Variants in MCHR2 observed in about 807,000 individuals in gnomAD.
The protein encoded by MCHR2 is melanin concentrating hormone receptor 2.
In MCHR2, 15 loss-of-function variants were observed where a neutral mutation model predicts 24.8. The ratio of observed to expected loss-of-function variants is 0.60; its 90% CI spans 0.40 to 0.93. The LOEUF (loss-of-function observed/expected upper bound fraction) is 0.93, where lower values mean the gene tolerates loss of function less well. MCHR2 is among the 40% of genes least tolerant of loss of function. The pLI is 0.00. For missense variants in MCHR2, 386 were observed against 408.7 expected, an observed-to-expected ratio of 0.94 and a Z score of 0.48; for synonymous variants, 151 against 147.6, an observed-to-expected ratio of 1.02 and a Z score of -0.17.
intron 5 of MCHR2, among the ~76,000 whole-genome samples, chr6:99,932,140 C>T (rs1774558038): frequency 6.6e-6 from 1 of 152,082 alleles, no homozygotes; most frequent in African/African-American, 2.4e-5. Flanking sequence ...ATATACTATT[C>T]TAGGGTATAA....
intron 1 of MCHR2, among the ~76,000 whole-genome samples, chr6:99,986,722 T>C (rs773106770): frequency 6.6e-6 from 1 of 151,950 alleles, no homozygotes; most frequent in Non-Finnish European, 1.5e-5. Context: ...TAGGGTACAA[T>C]ATATCCTATT....
intron 1 of MCHR2, among the ~76,000 whole-genome samples, chr6:99,980,783 A>C (rs1775654488): frequency 1.3e-5 from 2 of 152,140 alleles, no homozygotes. Context: ...AATGTGGAAT[A>C]ATTTTTTATT....
Position 99,920,920 on chromosome 6 carries a change from A to G in MCHR2, c.*20T>C. On this transcript the variant is annotated 3_prime_UTR_variant, in exon 6 of 6. Transcript: ENST00000281806. ...AAGATAGACAATCATGTCTAGACTC[A>G]TGGTGATCCATGTACTTTCCTAAAA... 1 of 1,608,222 alleles carries G rather than the reference A, an allele frequency of 6.2e-7. No homozygotes were observed. The highest frequency in any genetic ancestry group is 1.3e-5 in the African/African-American group (1 of 74,876).
intron 1 of MCHR2, among the ~76,000 whole-genome samples, chr6:99,963,554 A>G (rs2114554620): frequency 6.6e-6 from 1 of 152,264 alleles, no homozygotes; most frequent in South Asian, 2.1e-4. Flanking sequence ...TCAGTCATGC[A>G]AGGTGAAAAC....
chr6:99,961,698 G>A (rs1775192300), intron 1 of MCHR2, among the ~76,000 whole-genome samples: 1 of 152,026 alleles, frequency 6.6e-6, no homozygotes, highest in South Asian at 2.1e-4. Context: ...ACACACCAGG[G>A]CCTGTTGCGG....
intron 1 of MCHR2, among the ~76,000 whole-genome samples, chr6:99,981,638 G>A (rs1156614266): frequency 6.6e-6 from 1 of 152,194 alleles, no homozygotes; most frequent in East Asian, 1.9e-4. Context: ...GTGAGGAAAT[G>A]AGATGTAAGG....
chr6:99,971,964 A>G (rs1392498368), intron 1 of MCHR2, among the ~76,000 whole-genome samples: 1 of 152,218 alleles, frequency 6.6e-6, no homozygotes, highest in Non-Finnish European at 1.5e-5. Flanking sequence ...TCGGTTTGCC[A>G]GTATTTTATT....
intron 2 of MCHR2, among the ~76,000 whole-genome samples, chr6:99,951,735 T>C (rs1291276534): frequency 2.0e-5 from 3 of 152,076 alleles, no homozygotes; most frequent in Admixed American, 1.3e-4. Flanking sequence ...TTAGTTATTA[T>C]TTAATCTGGG....
At chr6:99,991,617 G>A (rs1435113027) in intron 1 of MCHR2, among the ~76,000 whole-genome samples, 4 of 152,012 alleles carry the variant, frequency 2.6e-5, no homozygotes, top group Non-Finnish European at 1.5e-5. Flanking sequence ...ACCATCCTGA[G>A]CAACATGGTG....
At chr6:99,985,982 A>C (rs1314470738) in intron 1 of MCHR2, among the ~76,000 whole-genome samples, 5 of 152,154 alleles carry the variant, frequency 3.3e-5, no homozygotes. Flanking sequence ...AGAGGAAAAA[A>C]ACTCAAATAA....
intron 1 of MCHR2, among the ~76,000 whole-genome samples, chr6:99,965,481 C>T (rs1426290351): frequency 1.3e-5 from 2 of 152,114 alleles, no homozygotes; most frequent in Admixed American, 6.6e-5. Context: ...CAGTTAGTTA[C>T]CTCATGTTGT....
intron 4 of MCHR2, among the ~76,000 whole-genome samples, chr6:99,939,872 G>GTTTTTTTTTTTTTTTTTTTTTT (rs34233035): frequency 9.2e-6 from 1 of 108,214 alleles, no homozygotes; most frequent in African/African-American, 3.4e-5. Context: ...GATGGCAGGT[G>GTTTTTTTTTTTTTTTTTTTTTT]TTTTTTTTTT....
chr6:99,958,617 CACT>C (rs1349141703), intron 1 of MCHR2, among the ~76,000 whole-genome samples: 1 of 152,114 alleles, frequency 6.6e-6, no homozygotes, highest in Non-Finnish European at 1.5e-5. Context: ...CCCATGGCAC[CACT>C]GATTCAACAG....
At position 99,920,991 on chromosome 6, in the gene MCHR2, C is replaced by A; in HGVS notation, c.972G>T (p.Ala324=). Residue 324 remains alanine, a synonymous_variant, in exon 6 of 6, where the codon GCG becomes GCT. Coordinates refer to ENST00000281806, the MANE Select transcript of MCHR2 (RefSeq NM_001040179.2). The part of the protein sequence containing the change: ...QKRLPQIQRR[A]TEKEINNMGN... Reference sequence around the variant, plus strand: ...CCATATTGTTGATTTCCTTCTCAGTCGCTCTTCTTTGGATTTGAGGCAGAC... The same window carrying A: ...CCATATTGTTGATTTCCTTCTCAGTAGCTCTTCTTTGGATTTGAGGCAGAC... The A allele has an allele frequency of 6.2e-7, 1 of 1,614,108 alleles. No individual in the cohort carries two copies. The highest frequency in any genetic ancestry group is 1.1e-5 in the South Asian group (1 of 91,046).
In MCHR2 at chr6:99,918,786, T is replaced by C. The variant is rs1469321865; in HGVS notation, c.*2154A>G. Reference sequence around the variant, plus strand: ...CTATATAAAGGGACAAAAATAAATTTATTAATCACCCTTTTTATTTTCTAC... The same window carrying C: ...CTATATAAAGGGACAAAAATAAATTCATTAATCACCCTTTTTATTTTCTAC... On this transcript the variant is annotated 3_prime_UTR_variant, in exon 6 of 6. Coordinates refer to ENST00000281806, the MANE Select transcript of MCHR2 (RefSeq NM_001040179.2). Among the ~76,000 whole-genome samples the C allele has an allele frequency of 6.6e-6, 1 of 152,182 alleles. No individual in the cohort carries two copies. Among genetic ancestry groups the C allele is most frequent in the Non-Finnish European group, 1.5e-5 (1 of 68,044 alleles).
At chr6:99,957,720 AT>A (rs1183035061) in intron 1 of MCHR2, among the ~76,000 whole-genome samples, 1 of 150,540 alleles carries the variant, frequency 6.6e-6, no homozygotes, top group Non-Finnish European at 1.5e-5. Flanking sequence ...TCTACAAACC[AT>A]TAGAAAAAGA....
chr6:99,970,306 G>C (rs1458779946), intron 1 of MCHR2, among the ~76,000 whole-genome samples: 2 of 152,242 alleles, frequency 1.3e-5, no homozygotes, highest in East Asian at 1.9e-4. Context: ...TTCTCTGATG[G>C]CCAGTGATGG....
At chr6:99,942,147 C>A (rs749882311) in intron 4 of MCHR2, among the ~76,000 whole-genome samples, 2 of 152,048 alleles carry the variant, frequency 1.3e-5, no homozygotes, top group African/African-American at 2.4e-5. Flanking sequence ...CATTAGTTTC[C>A]TAGGACTGCT....
chr6:99,932,105 C>T (rs965624569), intron 5 of MCHR2, among the ~76,000 whole-genome samples: 1 of 152,118 alleles, frequency 6.6e-6, no homozygotes, highest in Non-Finnish European at 1.5e-5. Flanking sequence ...ATTTCTCCTT[C>T]ATGTTTGAAG....
Sources: allele counts gnomAD v4.1 joint callset (sites outside exome capture counted in the v4.1 genomes callset), GRCh38; gene constraint gnomAD v4.1.1; transcripts MANE v1.5; gene names NCBI Gene and HGNC (gene_info 2026-07-23, HGNC 2026-07-21).